The following SETBP1 variants were observed in gnomAD, a reference collection of about 807,000 sequenced individuals.
The protein encoded by SETBP1 is SET binding protein 1, also known as SET-binding protein.
In SETBP1, 9 loss-of-function variants were observed where a neutral mutation model predicts 101.0. The observed-to-expected ratio is 0.09, with a 90% CI of 0.05 to 0.16. SETBP1 has a LOEUF of 0.16. Among genes scored for constraint, SETBP1 ranks in the 10% least tolerant of loss-of-function variants. The probability of loss-of-function intolerance (pLI) is 1.00; values close to 1 mark genes in which losing one functional copy is unlikely to be tolerated. For synonymous variants in SETBP1, 818 were observed against 788.5 expected (o/e 1.04, Z -0.63); for missense variants, 1,858 against 2,033.8 (o/e 0.91, Z 1.66).
At position 44,897,452 on chromosome 18, in the gene SETBP1, C is replaced by T. The variant is rs116525593; in HGVS notation, c.540+28169C>T. On this transcript the variant is annotated intron_variant, in intron 3 of 5. Coordinates refer to ENST00000649279, the MANE Select transcript of SETBP1 (RefSeq NM_015559.3). ...ATAAAGTCTGCCCTATTTAGCGACC[C>T]GGGCTGATGAGAAGGTGTGTTACAA... Among the ~76,000 whole-genome samples the T allele has an allele frequency of 1.5e-3, 229 of 152,204 alleles. 1 individual carries two copies. The highest frequency in any genetic ancestry group is 5.0e-3 in the African/African-American group (208 of 41,530).
At chr18:44,734,783 T>C (rs1406748408) in intron 2 of SETBP1, among the ~76,000 whole-genome samples, 2 of 152,220 alleles carry the variant, frequency 1.3e-5, no homozygotes, top group African/African-American at 4.8e-5. Context: ...GTTTCTTCTT[T>C]TGGACTATTT....
At chr18:44,748,639 C>T (rs1481182528) in intron 2 of SETBP1, among the ~76,000 whole-genome samples, 1 of 151,874 alleles carries the variant, frequency 6.6e-6, no homozygotes, top group Non-Finnish European at 1.5e-5. Context: ...GTGCAGGCAC[C>T]ATGTGCGTGC....
intron 2 of SETBP1, among the ~76,000 whole-genome samples, chr18:44,758,243 A>G (rs1436398162): frequency 6.6e-6 from 1 of 152,168 alleles, no homozygotes; most frequent in African/African-American, 2.4e-5. Flanking sequence ...GCTTTAGCCA[A>G]ATTAAGAAGT....
chr18:44,776,643 A>G (rs1251917475), intron 2 of SETBP1, among the ~76,000 whole-genome samples: 1 of 152,210 alleles, frequency 6.6e-6, no homozygotes, highest in Non-Finnish European at 1.5e-5. Flanking sequence ...CTTATCCTTT[A>G]TGCCTAAAGA....
At chr18:44,729,756 A>G (rs2069793510) in intron 2 of SETBP1, among the ~76,000 whole-genome samples, 1 of 152,176 alleles carries the variant, frequency 6.6e-6, no homozygotes, top group African/African-American at 2.4e-5. Flanking sequence ...CTGTGGAGAG[A>G]TCTTTGGAGA....
chr18:44,934,251 C>T (rs77097307), intron 3 of SETBP1, among the ~76,000 whole-genome samples: 18,472 of 151,688 alleles, frequency 0.12, 1,358 homozygotes, highest in East Asian at 0.31. Context: ...TAGGTTCAAG[C>T]GATTCTCCTG....
intron 5 of SETBP1, among the ~76,000 whole-genome samples, chr18:45,052,067 G>A (rs950148222): frequency 5.3e-5 from 8 of 152,234 alleles, no homozygotes; most frequent in African/African-American, 1.9e-4. Flanking sequence ...GCTCACTAGG[G>A]GGAAGGCACA....
intron 5 of SETBP1, among the ~76,000 whole-genome samples, chr18:45,043,730 C>A (rs1215322724): frequency 6.6e-6 from 1 of 152,130 alleles, no homozygotes; most frequent in Non-Finnish European, 1.5e-5. Flanking sequence ...GTTATTAGCC[C>A]AGCCATCAGT....
chr18:44,718,043 AAG>A (rs1407715828), intron 2 of SETBP1, among the ~76,000 whole-genome samples: 4 of 152,198 alleles, frequency 2.6e-5, no homozygotes, highest in African/African-American at 9.7e-5. Flanking sequence ...TGAAACTAAT[AAG>A]AGTTTTTGCT....
intron 3 of SETBP1, chr18:44,869,579 T>A: frequency 2.6e-6 from 1 of 379,174 alleles, no homozygotes; most frequent in African/African-American, 2.1e-5. Flanking sequence ...AGGAAAGGGT[T>A]AAACCAATGG....
intron 2 of SETBP1, among the ~76,000 whole-genome samples, chr18:44,715,888 A>T (rs781366630): frequency 6.6e-5 from 10 of 152,118 alleles, no homozygotes; most frequent in Non-Finnish European, 1.3e-4. Context: ...TACCCACCAC[A>T]TGGTGTAATT....
intron 4 of SETBP1, among the ~76,000 whole-genome samples, chr18:45,007,064 A>G (rs946858890): frequency 3.3e-5 from 5 of 151,934 alleles, no homozygotes; most frequent in African/African-American, 1.2e-4. Context: ...CCAGTTATAA[A>G]CCTCCTCAGT....
intron 2 of SETBP1, among the ~76,000 whole-genome samples, chr18:44,783,061 C>T (rs960684539): frequency 6.6e-6 from 1 of 152,100 alleles, no homozygotes; most frequent in African/African-American, 2.4e-5. Context: ...GGCACATAAC[C>T]CCAAAAGGTT....
chr18:44,957,680 C>T (rs999622973), intron 4 of SETBP1, among the ~76,000 whole-genome samples: 9 of 152,094 alleles, frequency 5.9e-5, no homozygotes. Context: ...CACTCACTGG[C>T]AGGATATGAA....
intron 4 of SETBP1, among the ~76,000 whole-genome samples, chr18:44,962,525 G>A (rs2071633954): frequency 1.3e-5 from 2 of 152,092 alleles, no homozygotes; most frequent in South Asian, 4.2e-4. Flanking sequence ...ACCTTATACA[G>A]CCATCAGGAG....
At chr18:44,888,684 A>G (rs975853676) in intron 3 of SETBP1, among the ~76,000 whole-genome samples, 1 of 152,242 alleles carries the variant, frequency 6.6e-6, no homozygotes, top group African/African-American at 2.4e-5. Context: ...TGACATGGCC[A>G]CAGAGATTAA....
intron 1 of SETBP1, among the ~76,000 whole-genome samples, chr18:44,695,233 G>A (rs1022658150): frequency 2.0e-5 from 3 of 152,110 alleles, no homozygotes; most frequent in African/African-American, 7.2e-5. Context: ...TTCGAAAGAA[G>A]CCAGAACCAT....
rs576745170 is a variant in SETBP1, at chr18:44,835,495, G to A, written c.487-33735G>A. On this transcript the variant is annotated intron_variant, in intron 2 of 5. Transcript: ENST00000649279. The stretch of plus-strand genomic sequence containing the variant: ...CAAAAGTTTAGCAAATAAAAATACA[G>A]GACTCCAACTAATACTTTTTTTGTC... Among the ~76,000 whole-genome samples the A allele has an allele frequency of 5.3e-5, 8 of 152,152 alleles. No individual in the cohort carries two copies. In the East Asian group the frequency reaches 1.5e-3, roughly 29 times the overall value.
At chr18:45,025,638 T>C (rs927740639) in intron 4 of SETBP1, among the ~76,000 whole-genome samples, 32 of 152,126 alleles carry the variant, frequency 2.1e-4, no homozygotes, top group African/African-American at 7.7e-4. Context: ...ATAAAGTAGG[T>C]GGTTTGAAGA....
Sources: gnomAD v4.1 joint callset for allele counts (sites outside exome capture counted in the v4.1 genomes callset) on GRCh38, gnomAD v4.1.1 for gene constraint, MANE v1.5 for transcripts, NCBI Gene and HGNC (gene_info 2026-07-23, HGNC 2026-07-21) for gene names.